The following USP34 variants were observed in gnomAD, a reference collection of about 807,000 sequenced individuals.
The protein encoded by USP34 is ubiquitin carboxyl-terminal hydrolase 34.
In USP34, 70 loss-of-function variants were observed where a neutral mutation model predicts 460.3. The ratio of observed to expected loss-of-function variants is 0.15; its 90% CI spans 0.13 to 0.19. The LOEUF (loss-of-function observed/expected upper bound fraction) is 0.19, where lower values mean the gene tolerates loss of function less well. Ranked by LOEUF, USP34 falls within the 10% of genes least tolerant of loss-of-function variation. The pLI, the probability that USP34 is intolerant of heterozygous loss-of-function variation, is 1.00. For synonymous variants in USP34, 1,647 were observed against 1,405.3 expected (o/e 1.17, Z -3.85); for missense variants, 3,985 against 4,236.2 (o/e 0.94, Z 1.65).
intron 1 of USP34, among the ~76,000 whole-genome samples, chr2:61,422,899 C>T (rs1441486836): frequency 6.6e-6 from 1 of 151,998 alleles, no homozygotes; most frequent in Non-Finnish European, 1.5e-5. Context: ...ACTGAGGAGG[C>T]TGAGGTGGAA....
At chr2:61,205,119 C>T (rs1401718951) in intron 72 of USP34, among the ~76,000 whole-genome samples, 5 of 152,044 alleles carry the variant, frequency 3.3e-5, no homozygotes, top group Admixed American at 1.3e-4. Flanking sequence ...CTAGACCTCC[C>T]GAACTGCATG....
chr2:61,341,020 T>C (rs964226694), intron 16 of USP34, among the ~76,000 whole-genome samples: 15 of 152,142 alleles, frequency 9.9e-5, no homozygotes, highest in Non-Finnish European at 1.9e-4. Context: ...CCCTAGGCAA[T>C]GATTGAGGAG....
chr2:61,448,216 A>G (rs1168676173), intron 1 of USP34, among the ~76,000 whole-genome samples: 1 of 152,226 alleles, frequency 6.6e-6, no homozygotes, highest in Non-Finnish European at 1.5e-5. Context: ...GCCCATGTCT[A>G]TAATCCCAGT....
In USP34 at chr2:61,405,795, T is replaced by C. The variant is rs1243151021; in HGVS notation, c.465A>G (p.Glu155=). ...TTTTTGCCACACATAGTAAGAGTTTTTCCTTCTCATCTGTACTCCATAAAC... is the reference window on the plus strand; with the variant it reads ...TTTTTGCCACACATAGTAAGAGTTTCTCCTTCTCATCTGTACTCCATAAAC... ...PFSLWSTDEK[E]KLLLCVAKIF... The change falls in exon 3 of 80, where the codon GAA becomes GAG. Residue 155 remains glutamate, a synonymous_variant. Coordinates refer to ENST00000398571, the MANE Select transcript of USP34 (RefSeq NM_014709.4). The C allele has an allele frequency of 2.5e-6, 4 of 1,609,610 alleles. No individual in the cohort carries two copies. The African/African-American group carries it at 5.4e-5, about 22-fold the overall frequency.
At chr2:61,267,546 G>T (rs565191798) in intron 41 of USP34, among the ~76,000 whole-genome samples, 1 of 151,456 alleles carries the variant, frequency 6.6e-6, no homozygotes, top group African/African-American at 2.4e-5. Flanking sequence ...AGGTTCGAGC[G>T]ATTCTCCTGC....
chr2:61,420,907 C>G (rs1694335582), intron 1 of USP34, 74 bp from the exon 2 acceptor site: 17 of 1,032,590 alleles, frequency 1.6e-5, no homozygotes, highest in Non-Finnish European at 1.4e-6. Flanking sequence ...CAAAATAAAG[C>G]CAAGAGCTAC....
At chr2:61,200,066 C>CAG (rs1686926371) in intron 75 of USP34, 1 of 152,326 alleles carries the variant, frequency 6.6e-6, no homozygotes, top group African/African-American at 2.4e-5. Context: ...TGTGCGCATG[C>CAG]AGAGAGACAG....
intron 15 of USP34, among the ~76,000 whole-genome samples, chr2:61,345,949 T>C (rs1691754348): frequency 6.6e-6 from 1 of 152,144 alleles, no homozygotes; most frequent in African/African-American, 2.4e-5. Context: ...GAAGAAAAAT[T>C]AATTATTTTG....
intron 1 of USP34, among the ~76,000 whole-genome samples, chr2:61,447,585 T>A (rs975525861): frequency 6.6e-6 from 1 of 152,190 alleles, no homozygotes; most frequent in African/African-American, 2.4e-5. Flanking sequence ...ACTTGTCCAT[T>A]TTCTCAAATT....
rs1432674721 is a variant in USP34, at chr2:61,417,786, G to T, written c.131+2960C>A. The stretch of plus-strand genomic sequence containing the variant: ...TAGACAAAGTCTTGCTCTATCCCCA[G>T]GCTGGAGTACAGTGGCGTGATCTCA... On this transcript the variant is annotated intron_variant, in intron 2 of 79. Coordinates refer to ENST00000398571, the MANE Select transcript of USP34 (RefSeq NM_014709.4). Among the ~76,000 whole-genome samples, 5 of 142,200 alleles carry T rather than the reference G, an allele frequency of 3.5e-5. No homozygotes were observed. The Admixed American group carries it at 3.7e-4, about 10-fold the overall frequency. The allele number at this position is 142,200 out of a possible 152,430, so 93.3% of individuals were successfully genotyped here.
intron 1 of USP34, among the ~76,000 whole-genome samples, chr2:61,465,837 C>T (rs1041205532): frequency 6.6e-6 from 1 of 151,838 alleles, no homozygotes; most frequent in Non-Finnish European, 1.5e-5. Flanking sequence ...ATTAGCCGGG[C>T]GTGGTAGCGG....
intron 1 of USP34, among the ~76,000 whole-genome samples, chr2:61,424,357 C>A (rs1292574301): frequency 6.6e-6 from 1 of 152,142 alleles, no homozygotes; most frequent in East Asian, 1.9e-4. Context: ...CTTACGACCA[C>A]TGTCCTACAC....
chr2:61,311,014 A>C (rs1359963755), intron 27 of USP34, among the ~76,000 whole-genome samples: 1 of 152,124 alleles, frequency 6.6e-6, no homozygotes, highest in Non-Finnish European at 1.5e-5. Context: ...CCTAAGAATC[A>C]ATGGTACTAA....
intron 1 of USP34, among the ~76,000 whole-genome samples, chr2:61,426,146 T>G (rs901754457): frequency 1.3e-5 from 2 of 152,114 alleles, no homozygotes; most frequent in Non-Finnish European, 2.9e-5. Flanking sequence ...ACTTGCTGGC[T>G]TCAGTGAGAT....
rs1230379151 is a variant in USP34, at chr2:61,406,148, GAATA to G, written c.132-24_132-21del. On this transcript the variant is annotated intron_variant, in intron 2 of 79. Coordinates refer to ENST00000398571, the MANE Select transcript of USP34 (RefSeq NM_014709.4). ...CATTGCCTATAAGAGAAAAAAAATT[GAATA>G]AATTAGTAATAAAGCAGCAGCTGTA... The G allele has an allele frequency of 2.0e-6, 3 of 1,483,166 alleles. No individual in the cohort carries two copies. The highest frequency in any genetic ancestry group is 1.4e-5 in the South Asian group (1 of 69,836). The allele number at this position is 1,483,166 out of a possible 1,614,324, so 91.9% of individuals were successfully genotyped here. A position where few individuals can be genotyped will look rare whatever the true frequency, so the allele number is the denominator to read the frequency against.
chr2:61,459,707 G>A (rs895306967), intron 1 of USP34, among the ~76,000 whole-genome samples: 1 of 150,508 alleles, frequency 6.6e-6, no homozygotes, highest in African/African-American at 2.5e-5. Context: ...AACCCGGGAG[G>A]CGAAGGCTGC....
chr2:61,253,045 G>A (rs943343156), intron 48 of USP34, among the ~76,000 whole-genome samples: 1 of 152,164 alleles, frequency 6.6e-6, no homozygotes, highest in African/African-American at 2.4e-5. Context: ...GAGGTAAAAT[G>A]AATAGATTGA....
At position 61,447,148 on chromosome 2, in the gene USP34, G is replaced by C. The variant is rs539749185; in HGVS notation, c.43+23502C>G. On this transcript the variant is annotated intron_variant, in intron 1 of 79. Transcript: ENST00000398571. The stretch of plus-strand genomic sequence containing the variant: ...CATGCACCTGCAGTCTCAGCTACTC[G>C]GGAGGCTGAGGCACCCGAATCATTT... Among the ~76,000 whole-genome samples the C allele has an allele frequency of 1.0e-4, 15 of 150,292 alleles. No individual in the cohort carries two copies. In the South Asian group the frequency reaches 3.2e-3, roughly 32 times the overall value.
intron 25 of USP34, among the ~76,000 whole-genome samples, 198 bp downstream of exon 25, chr2:61,314,387 G>A (rs1316046741): frequency 6.6e-6 from 1 of 151,992 alleles, no homozygotes; most frequent in South Asian, 2.1e-4. Context: ...TATTTATCAG[G>A]AACCCGTATT....
Sources: allele counts gnomAD v4.1 joint callset (sites outside exome capture counted in the v4.1 genomes callset), GRCh38; gene constraint gnomAD v4.1.1; transcripts MANE v1.5; gene names NCBI Gene and HGNC (gene_info 2026-07-23, HGNC 2026-07-21).